Variants in RSPO2 observed in about 807,000 individuals in gnomAD.
The protein encoded by RSPO2 is R-spondin-2.
A neutral mutation model predicts 30.9 loss-of-function variants in RSPO2; 14 were observed. That is an observed-to-expected ratio of 0.45 (90% CI 0.30 to 0.71). The LOEUF (loss-of-function observed/expected upper bound fraction) is 0.71, where lower values mean the gene tolerates loss of function less well. RSPO2 is among the 30% of genes least tolerant of loss of function. The pLI is 0.08. For synonymous variants in RSPO2, 107 were observed against 96.4 expected (o/e 1.11, Z -0.64); for missense variants, 264 against 301.9 (o/e 0.87, Z 0.93).
At chr8:108,025,794 T>G (rs1811198659) in intron 2 of RSPO2, among the ~76,000 whole-genome samples, 1 of 152,058 alleles carries the variant, frequency 6.6e-6, no homozygotes, top group African/African-American at 2.4e-5. Flanking sequence ...GGTGGTGGAG[T>G]TACAGATGTG....
chr8:107,923,933 C>T (rs1464467020), intron 5 of RSPO2, among the ~76,000 whole-genome samples: 1 of 151,836 alleles, frequency 6.6e-6, no homozygotes, highest in African/African-American at 2.4e-5. Context: ...AACTCTGGGG[C>T]CTATCGGGGG....
chr8:108,061,527 T>G (rs1227739425), intron 2 of RSPO2, among the ~76,000 whole-genome samples: 9 of 151,662 alleles, frequency 5.9e-5, no homozygotes, highest in Non-Finnish European at 7.4e-5. Flanking sequence ...GCACCCAGAT[T>G]CATAAAGCAA....
intron 2 of RSPO2, among the ~76,000 whole-genome samples, chr8:107,995,887 T>G (rs1248456485): frequency 2.0e-5 from 3 of 152,168 alleles, no homozygotes; most frequent in Non-Finnish European, 4.4e-5. Context: ...GCTTTTATAC[T>G]CACTATGGTA....
At chr8:108,068,839 G>C (rs77866221) in intron 2 of RSPO2, among the ~76,000 whole-genome samples, 159 of 152,302 alleles carry the variant, frequency 1.0e-3, no homozygotes, top group African/African-American at 3.6e-3. Context: ...GTCTCAGAGA[G>C]AGCATGAACC....
intron 5 of RSPO2, among the ~76,000 whole-genome samples, chr8:107,934,252 C>G (rs1812645812): frequency 6.6e-6 from 1 of 152,070 alleles, no homozygotes; most frequent in Admixed American, 6.6e-5. Context: ...AGTAATTCTA[C>G]TATTCAATCT....
At chr8:108,043,519 C>T (rs143296646) in intron 2 of RSPO2, among the ~76,000 whole-genome samples, 28 of 152,044 alleles carry the variant, frequency 1.8e-4, no homozygotes, top group African/African-American at 6.8e-4. Flanking sequence ...ATTGTGTCTA[C>T]TCTTTTGCTA....
chr8:107,966,602 A>C (rs938752568), intron 3 of RSPO2, among the ~76,000 whole-genome samples: 18 of 152,168 alleles, frequency 1.2e-4, no homozygotes, highest in African/African-American at 4.3e-4. Flanking sequence ...AGAAGATGGA[A>C]AACTGAGAGA....
intron 2 of RSPO2, among the ~76,000 whole-genome samples, chr8:108,029,841 G>A (rs1163422447): frequency 1.3e-5 from 2 of 152,148 alleles, no homozygotes; most frequent in Non-Finnish European, 2.9e-5. Context: ...CTGAGACATT[G>A]CAATAATTCT....
chr8:108,041,847 G>A (rs1811768377), intron 2 of RSPO2, among the ~76,000 whole-genome samples: 1 of 152,004 alleles, frequency 6.6e-6, no homozygotes, highest in Non-Finnish European at 1.5e-5. Context: ...GGCAGCAGGG[G>A]GTTGGCATCA....
chr8:108,024,511 A>G (rs1052104647), intron 2 of RSPO2, among the ~76,000 whole-genome samples: 2 of 152,242 alleles, frequency 1.3e-5, no homozygotes, highest in East Asian at 3.8e-4. Flanking sequence ...GAAATAAAAT[A>G]TACACATCTA....
chr8:108,020,536 A>T (rs1377643775), intron 2 of RSPO2, among the ~76,000 whole-genome samples: 1 of 152,208 alleles, frequency 6.6e-6, no homozygotes, highest in Admixed American at 6.5e-5. Flanking sequence ...GTTTCTGCTC[A>T]TCACTACCCA....
At position 107,901,154 on chromosome 8, in the gene RSPO2, T is replaced by G. The variant is rs1811447960; in HGVS notation, c.653A>C (p.Lys218Thr). The change falls in exon 6 of 6, where the codon AAG becomes ACG. Residue 218 changes from lysine (K) to threonine (T), a missense_variant. Transcript: ENST00000276659. ...RTPKAKEKRN[K>T]KKKRKLIERA... Reference sequence around the variant, plus strand: ...TTCTATCAGCTTCCTTTTCTTTTTCTTGTTCCTCTTCTCCTTCGCCTTTGG... The same window carrying G: ...TTCTATCAGCTTCCTTTTCTTTTTCGTGTTCCTCTTCTCCTTCGCCTTTGG... The G allele has an allele frequency of 6.2e-7, 1 of 1,614,016 alleles. No homozygotes were observed. The highest frequency in any genetic ancestry group is 1.3e-5 in the African/African-American group (1 of 74,940).
intron 2 of RSPO2, among the ~76,000 whole-genome samples, chr8:108,020,607 A>G (rs544010322): frequency 6.6e-6 from 1 of 152,050 alleles, no homozygotes; most frequent in Non-Finnish European, 1.5e-5. Context: ...ATAATTTAAG[A>G]CTCATTTGAA....
intron 3 of RSPO2, among the ~76,000 whole-genome samples, chr8:107,984,840 A>C (rs2130512651): frequency 6.6e-6 from 1 of 152,298 alleles, no homozygotes; most frequent in Middle Eastern, 3.4e-3. Context: ...GTTATGCCAA[A>C]GGAGAAGACA....
intron 2 of RSPO2, among the ~76,000 whole-genome samples, chr8:108,042,658 G>A (rs540539258): frequency 3.9e-4 from 60 of 152,284 alleles, no homozygotes; most frequent in Non-Finnish European, 8.1e-4. Context: ...GGGGAGCTTG[G>A]AGAAGTAAGG....
chr8:107,910,432 C>G (rs546024331), intron 5 of RSPO2, among the ~76,000 whole-genome samples: 1 of 152,116 alleles, frequency 6.6e-6, no homozygotes, highest in Non-Finnish European at 1.5e-5. Context: ...ACTCAGAAGC[C>G]TAAGGCAGGA....
intron 2 of RSPO2, among the ~76,000 whole-genome samples, chr8:108,056,692 T>C (rs1812259015): frequency 6.8e-6 from 1 of 148,114 alleles, no homozygotes; most frequent in Admixed American, 6.7e-5. Flanking sequence ...GCCTGGCACA[T>C]AGTAAATGCT....
intron 2 of RSPO2, among the ~76,000 whole-genome samples, chr8:108,010,334 G>A (rs924572044): frequency 2.6e-5 from 4 of 152,164 alleles, no homozygotes; most frequent in Admixed American, 6.5e-5. Flanking sequence ...ATCTTGCCCT[G>A]ACAAATGTGG....
intron 3 of RSPO2, among the ~76,000 whole-genome samples, chr8:107,971,080 T>C (rs983900681): frequency 6.6e-6 from 1 of 152,200 alleles, no homozygotes; most frequent in Non-Finnish European, 1.5e-5. Context: ...GAAAGTATTT[T>C]AAAAACTAAA....
Sources: gnomAD v4.1 joint callset for allele counts (sites outside exome capture counted in the v4.1 genomes callset) on GRCh38, gnomAD v4.1.1 for gene constraint, MANE v1.5 for transcripts, NCBI Gene and HGNC (gene_info 2026-07-23, HGNC 2026-07-21) for gene names.